Variants in COL11A1 observed in about 807,000 individuals in gnomAD.
COL11A1 encodes the protein collagen alpha-1(XI) chain.
A neutral mutation model predicts 265.2 loss-of-function variants in COL11A1; 74 were observed. That is an observed-to-expected ratio of 0.28 (90% confidence interval 0.23 to 0.34). COL11A1 has a LOEUF of 0.34. Ranked by LOEUF, COL11A1 falls within the 10% of genes least tolerant of loss-of-function variation. The pLI, the probability that COL11A1 is intolerant of heterozygous loss-of-function variation, is 1.00. For synonymous variants in COL11A1, 816 were observed against 727.6 expected (o/e 1.12, Z -1.96); for missense variants, 2,165 against 2,263.6 (o/e 0.96, Z 0.88).
intron 37 of COL11A1, among the ~76,000 whole-genome samples, chr1:102,968,116 T>G (rs1661621600): frequency 6.6e-6 from 1 of 152,216 alleles, no homozygotes; most frequent in Non-Finnish European, 1.5e-5. Flanking sequence ...AGGAAAACTT[T>G]TACAGTTCAC....
chr1:103,093,162 G>T (rs1365505208), intron 1 of COL11A1, among the ~76,000 whole-genome samples: 1 of 152,028 alleles, frequency 6.6e-6, no homozygotes, highest in Non-Finnish European at 1.5e-5. Context: ...TAGCTATGAA[G>T]TTCAATATGA....
chr1:102,921,706 A>G (rs1656007693), intron 47 of COL11A1, 135 bp from the exon 48 acceptor site: 1 of 716,464 alleles, frequency 1.4e-6, no homozygotes, highest in Non-Finnish European at 2.4e-6. Flanking sequence ...TCAGGGTTAT[A>G]AGTCATCCTT....
chr1:103,032,926 A>G lies in COL11A1; in HGVS notation c.652-1682T>C, dbSNP rs1194659595. 3.3e-5 allele frequency among the ~76,000 whole-genome samples: 5 copies of G among 152,150 alleles called. No homozygotes were observed. The East Asian group carries it at 9.6e-4, about 29-fold the overall frequency. On this transcript the variant is annotated intron_variant, in intron 4 of 66. Coordinates refer to ENST00000370096, the MANE Select transcript of COL11A1 (RefSeq NM_001854.4). ...TCCATTCTTTTAAAATTTACAATAC[A>G]GTGGGCTTAGTACAGCCACAGCCTT...
intron 46 of COL11A1, among the ~76,000 whole-genome samples, chr1:102,929,636 T>A (rs1657131964): frequency 6.6e-6 from 1 of 152,048 alleles, no homozygotes; most frequent in Non-Finnish European, 1.5e-5. Context: ...AAGAAAGGCA[T>A]TGGTAGCTTG....
In COL11A1 at chr1:103,031,249, GAAAAAA is replaced by G; in HGVS notation, c.652-11_652-6del. On this transcript the variant is annotated splice_polypyrimidine_tract_variant and splice_region_variant and intron_variant, in intron 4 of 66. Transcript: ENST00000370096. ...CAAAAACTGCTGAATGTCCCCCTGG[GAAAAAA>G]AAAAAAACAAAAACAAACAGACACA... 2 of 1,363,306 alleles carry G rather than the reference GAAAAAA, an allele frequency of 1.5e-6. No homozygotes were observed. Among genetic ancestry groups the G allele is most frequent in the Non-Finnish European group, 2.0e-6 (2 of 996,630 alleles). 84.5% of individuals were successfully genotyped at this position (1,363,306 alleles called of 1,614,324 possible). A position where few individuals can be genotyped will look rare whatever the true frequency, so the allele number is the denominator to read the frequency against.
At chr1:103,068,923 G>T (rs1671359779) in intron 4 of COL11A1, among the ~76,000 whole-genome samples, 2 of 150,906 alleles carry the variant, frequency 1.3e-5, no homozygotes, top group Non-Finnish European at 1.5e-5. Context: ...AATTAAACAA[G>T]ACCAAAATAA....
chr1:103,040,686 A>T (rs1668740119), intron 4 of COL11A1, among the ~76,000 whole-genome samples: 1 of 151,902 alleles, frequency 6.6e-6, no homozygotes, highest in Non-Finnish European at 1.5e-5. Context: ...CATTTAAAAT[A>T]CTAAAGAGGA....
At chr1:103,001,311 G>T (rs1407139782) in intron 24 of COL11A1, 2 of 396,070 alleles carry the variant, frequency 5.0e-6, no homozygotes, top group East Asian at 7.2e-5. Context: ...TAATATGTTT[G>T]TAGAAATCAA....
At chr1:102,942,948 AAACAGAGGTTTTGATTTTAAAT>A (rs1349085913) in intron 42 of COL11A1, among the ~76,000 whole-genome samples, 1 of 152,114 alleles carries the variant, frequency 6.6e-6, no homozygotes, top group African/African-American at 2.4e-5. Context: ...AGAGTTGAGA[AAACAGAGGTTTTGATTTTAAAT>A]AACTTAACCA....
At chr1:103,032,776 T>A (rs551113685) in intron 4 of COL11A1, among the ~76,000 whole-genome samples, 1 of 152,266 alleles carries the variant, frequency 6.6e-6, no homozygotes, top group South Asian at 2.1e-4. Flanking sequence ...GATTTATTTT[T>A]AAGGTTCAAA....
rs749767116 is a variant in COL11A1 at position 102,887,053 on chromosome 1, G to A, written c.4612C>T (p.Pro1538Ser). The change falls in exon 63 of 67, where the codon CCA (proline) becomes TCA (serine). Residue 1538 changes from proline to serine, a missense_variant. Physicochemically the swap from Pro to Ser is moderately conservative, Grantham distance 74. Transcript: ENST00000370096. Reference sequence around the variant, plus strand: ...AAAGGCTGAATGACTTCACCAGGTGGACCCTGTAAAGAAGATAATGTGAGT... The same window carrying A: ...AAAGGCTGAATGACTTCACCAGGTGAACCCTGTAAAGAAGATAATGTGAGT... Reference protein sequence around the residue: ...GLPGPPGSPGPPGEVIQPLPI... With the variant: ...GLPGPPGSPGSPGEVIQPLPI... The A allele has an allele frequency of 7.4e-6, 12 of 1,613,718 alleles. No homozygotes were observed. Among genetic ancestry groups the A allele is most frequent in the Non-Finnish European group, 1.0e-5 (12 of 1,179,770 alleles).
chr1:102,999,965 T>C (rs1664964030), intron 24 of COL11A1, among the ~76,000 whole-genome samples: 1 of 151,856 alleles, frequency 6.6e-6, no homozygotes, highest in South Asian at 2.1e-4. Flanking sequence ...GAGATTGATT[T>C]TGAACCTACA....
chr1:103,091,690 T>C (rs1361650647), intron 1 of COL11A1, among the ~76,000 whole-genome samples: 1 of 152,056 alleles, frequency 6.6e-6, no homozygotes, highest in Non-Finnish European at 1.5e-5. Context: ...TAATGCTCTG[T>C]TTACTTAATA....
chr1:103,027,251 C>T (rs1667590799), intron 5 of COL11A1, among the ~76,000 whole-genome samples: 1 of 150,102 alleles, frequency 6.7e-6, no homozygotes, highest in Admixed American at 6.7e-5. Flanking sequence ...AAATCCAAAG[C>T]TCAATATCTT....
intron 54 of COL11A1, among the ~76,000 whole-genome samples, chr1:102,908,632 C>G (rs537199701): frequency 2.0e-5 from 3 of 152,194 alleles, no homozygotes; most frequent in African/African-American, 7.2e-5. Context: ...AGTCTATCCA[C>G]TTTCCATTGA....
rs543890880 is a variant in COL11A1, at chr1:102,967,897, A to G, written c.2862+2322T>C. On this transcript the variant is annotated intron_variant, in intron 37 of 66. Transcript: ENST00000370096. Reference sequence around the variant, plus strand: ...AGATTAAAAATCAATACTTAATTGCAGAAAGTCTCGACAAAATTACAACAT... The same window carrying G: ...AGATTAAAAATCAATACTTAATTGCGGAAAGTCTCGACAAAATTACAACAT... 3.8e-4 allele frequency among the ~76,000 whole-genome samples: 58 copies of G among 152,262 alleles called. 1 individual carries two copies. Among genetic ancestry groups the G allele is most frequent in the Non-Finnish European group, 5.7e-4 (39 of 68,044 alleles).
At chr1:103,086,768 A>T (rs1672908930) in intron 1 of COL11A1, among the ~76,000 whole-genome samples, 1 of 151,992 alleles carries the variant, frequency 6.6e-6, no homozygotes, top group Non-Finnish European at 1.5e-5. Flanking sequence ...TCCTCAAAAA[A>T]CAATACAAGT....
intron 41 of COL11A1, among the ~76,000 whole-genome samples, chr1:102,956,067 G>A (rs543324724): frequency 1.3e-5 from 2 of 152,134 alleles, no homozygotes; most frequent in African/African-American, 4.8e-5. Context: ...ACGACAGAAC[G>A]TTCCTCAGTA....
chr1:102,920,281 TTTC>T, intron 49 of COL11A1, 27 bp downstream of exon 49: 3 of 1,601,888 alleles, frequency 1.9e-6, no homozygotes, highest in Non-Finnish European at 2.6e-6. Context: ...ATTCATGCTG[TTTC>T]AAACTGTGTG....
Sources: allele counts gnomAD v4.1 joint callset (sites outside exome capture counted in the v4.1 genomes callset), GRCh38; gene constraint gnomAD v4.1.1; transcripts MANE v1.5; gene names NCBI Gene and HGNC (gene_info 2026-07-23, HGNC 2026-07-21).